The following NCR1 variants were observed in gnomAD, a reference collection of about 807,000 sequenced individuals.
NCR1 encodes natural cytotoxicity triggering receptor 1.
NCR1 carries 30 observed loss-of-function variants against 32.5 expected under a neutral mutation model. The ratio of observed to expected loss-of-function variants is 0.92; its 90% confidence interval spans 0.69 to 1.25. The LOEUF (loss-of-function observed/expected upper bound fraction) is 1.25, where lower values mean the gene tolerates loss of function less well. NCR1 is among the 50% of genes most tolerant of loss of function. The probability of loss-of-function intolerance (pLI) is 0.00; values close to 1 mark genes in which losing one functional copy is unlikely to be tolerated. For missense variants in NCR1, 369 were observed against 380.7 expected, an observed-to-expected ratio of 0.97 and a Z score of 0.26; for synonymous variants, 169 against 143.4, an observed-to-expected ratio of 1.18 and a Z score of -1.28.
downstream of NCR1, among the ~76,000 whole-genome samples, chr19:54,919,124 G>A (rs938569511): frequency 6.6e-6 from 1 of 152,046 alleles, no homozygotes; most frequent in Non-Finnish European, 1.5e-5. Context: ...TAGACACCAC[G>A]TTTTCTTTAT....
the NCR1 span, among the ~76,000 whole-genome samples, chr19:54,922,087 G>T: frequency 6.6e-6 from 1 of 151,982 alleles, no homozygotes; most frequent in South Asian, 2.1e-4. Context: ...GTAGAGACGG[G>T]GTTTCTCCAT....
At chr19:54,917,809 C>T (rs1045926607), downstream of NCR1, among the ~76,000 whole-genome samples, 1 of 152,206 alleles carries the variant, frequency 6.6e-6, no homozygotes, top group African/African-American at 2.4e-5. Context: ...CAGATGGCAG[C>T]AGCACCAAGG....
the NCR1 span, among the ~76,000 whole-genome samples, chr19:54,931,686 A>C: frequency 1.5e-5 from 1 of 68,248 alleles, no homozygotes; most frequent in African/African-American, 6.7e-5. Flanking sequence ...ACTCCATCTC[A>C]AAAAAAAAAA....
chr19:54,902,714 A>G (rs1421188793), upstream of NCR1, among the ~76,000 whole-genome samples: 1 of 152,212 alleles, frequency 6.6e-6, no homozygotes, highest in Non-Finnish European at 1.5e-5. Flanking sequence ...TCCAGCCTAC[A>G]TAAGTCTCCT....
At chr19:54,926,714 G>C in the NCR1 span, among the ~76,000 whole-genome samples, 3 of 151,440 alleles carry the variant, frequency 2.0e-5, no homozygotes, top group Admixed American at 1.3e-4. Flanking sequence ...TCAGGAGCTC[G>C]AGACCAGCCT....
downstream of NCR1, chr19:54,916,272 A>G (rs908199949): frequency 6.7e-6 from 1 of 148,860 alleles, no homozygotes; most frequent in Non-Finnish European, 1.5e-5. Context: ...GCCATCCCAT[A>G]TATCAGACCC....
At chr19:54,929,416 A>G in the NCR1 span, among the ~76,000 whole-genome samples, 1 of 152,016 alleles carries the variant, frequency 6.6e-6, no homozygotes, top group Admixed American at 6.6e-5. Context: ...TTTACTCTAC[A>G]GCAAAGCTAA....
rs587700931 is a variant in NCR1, at chr19:54,909,101, C to T, written c.356-144C>T. Reference sequence around the variant, plus strand: ...AGGAGAAACGCTTGAACCCGGGAGGCGGAGGTTGCAGTGAGCCAAGATCGT... The same window carrying T: ...AGGAGAAACGCTTGAACCCGGGAGGTGGAGGTTGCAGTGAGCCAAGATCGT... On this transcript the variant is annotated intron_variant, in intron 3 of 6. Transcript: ENST00000291890. 2.3e-4 allele frequency: 166 copies of T among 715,852 alleles called. No homozygotes were observed. In the African/African-American group the frequency reaches 2.5e-3, roughly 11 times the overall value. The allele number at this position is 715,852 out of a possible 1,614,324, so 44.3% of individuals were successfully genotyped here. A position where few individuals can be genotyped will look rare whatever the true frequency, so the allele number is the denominator to read the frequency against.
the NCR1 span, among the ~76,000 whole-genome samples, chr19:54,931,009 C>A: frequency 6.6e-6 from 1 of 151,932 alleles, no homozygotes; most frequent in African/African-American, 2.4e-5. Context: ...GGCGACAGAG[C>A]GAGACTCCGT....
the NCR1 span, among the ~76,000 whole-genome samples, chr19:54,922,937 CACAGAG>C: frequency 6.6e-6 from 1 of 151,612 alleles, no homozygotes; most frequent in East Asian, 1.9e-4. Flanking sequence ...AAAAGACAGA[CACAGAG>C]AAACAAAGAG....
At chr19:54,923,729 TC>T in the NCR1 span, 21 of 1,612,492 alleles carry the variant, frequency 1.3e-5, no homozygotes, top group Non-Finnish European at 1.8e-5. Context: ...CGTAGAGCGA[TC>T]CCAGGCTGCT....
chr19:54,927,313 G>A, the NCR1 span, among the ~76,000 whole-genome samples: 6 of 151,108 alleles, frequency 4.0e-5, no homozygotes, highest in Non-Finnish European at 7.4e-5. Context: ...CCCAGGAGGT[G>A]GGGGTTGCAG....
the NCR1 span, among the ~76,000 whole-genome samples, chr19:54,924,673 C>T: frequency 4.6e-5 from 7 of 152,114 alleles, no homozygotes; most frequent in Admixed American, 6.6e-5. Context: ...CGGTGACTCA[C>T]GCCTATAATT....
In NCR1 at chr19:54,909,391, T is replaced by C. The variant is rs755122722; in HGVS notation, c.502T>C (p.Tyr168His). 6.2e-7 allele frequency: 1 copy of C among 1,614,020 alleles called. No homozygotes were observed. Among genetic ancestry groups the C allele is most frequent in the South Asian group, 1.1e-5 (1 of 91,076 alleles). Residue 168 changes from tyrosine to histidine, a missense_variant, in exon 4 of 7, where the codon TAC becomes CAC. Tyr to His is a moderately conservative substitution (Grantham distance 83). Coordinates refer to ENST00000291890, the MANE Select transcript of NCR1 (RefSeq NM_004829.7). ...AAGATCCAGCCACGTACAGCGCGGA[T>C]ACGGGAAGGTCCAGGCGGAGTTCCC... ...EGRSSHVQRG[Y>H]GKVQAEFPLG...
upstream of NCR1, among the ~76,000 whole-genome samples, chr19:54,902,549 G>A (rs144699248): frequency 8.0e-3 from 1,215 of 152,132 alleles, 16 homozygotes; most frequent in African/African-American, 0.027. Context: ...TTACAGGTGT[G>A]AGCCACTGCA....
chr19:54,923,696 C>T, the NCR1 span: 360 of 1,610,232 alleles, frequency 2.2e-4, no homozygotes, highest in Middle Eastern at 9.0e-4. Flanking sequence ...CTTAGAGACC[C>T]GAATCCCGCT....
downstream of NCR1, among the ~76,000 whole-genome samples, chr19:54,914,175 T>TC (rs201142492): frequency 2.1e-5 from 3 of 139,690 alleles, no homozygotes; most frequent in African/African-American, 5.9e-5. Flanking sequence ...TTTTTTTTTT[T>TC]TTTCTTTTTT....
the NCR1 span, chr19:54,927,788 A>G: frequency 4.3e-6 from 7 of 1,612,938 alleles, no homozygotes; most frequent in Non-Finnish European, 5.9e-6. Context: ...GTTGAGGAAG[A>G]ACATGGAAAT....
At chr19:54,906,094 GCTGGTGCTCA>G, upstream of NCR1, 1 of 1,500,494 alleles carries the variant, frequency 6.7e-7, no homozygotes, top group Non-Finnish European at 9.3e-7. Flanking sequence ...GGTGATGGGC[GCTGGTGCTCA>G]CCCACCACTT....
Sources: allele counts gnomAD v4.1 joint callset (sites outside exome capture counted in the v4.1 genomes callset), GRCh38; gene constraint gnomAD v4.1.1; transcripts MANE v1.5; gene names NCBI Gene and HGNC (gene_info 2026-07-23, HGNC 2026-07-21).